EPRS1: variants seen among roughly 807,000 people sequenced by gnomAD.
The protein encoded by EPRS1 is glutamyl-prolyl-tRNA synthetase 1, also known as bifunctional glutamate/proline--tRNA ligase.
In EPRS1, 107 loss-of-function variants were observed where a neutral mutation model predicts 188.3. The observed-to-expected ratio is 0.57, with a 90% CI of 0.49 to 0.67. The LOEUF (loss-of-function observed/expected upper bound fraction) is 0.67, where lower values mean the gene tolerates loss of function less well. Ranked by LOEUF, EPRS1 falls within the 30% of genes least tolerant of loss-of-function variation. The pLI, the probability that EPRS1 is intolerant of heterozygous loss-of-function variation, is 0.00. For missense variants in EPRS1, 1,577 were observed against 1,802.2 expected (o/e 0.88, Z 2.26); for synonymous variants, 596 against 593.1 (o/e 1.00, Z -0.07).
chr1:219,987,169 TCTC>T lies in EPRS1; in HGVS notation c.3008_3010del (p.Gly1003del), dbSNP rs778069100. 3.1e-6 allele frequency: 5 copies of T among 1,613,256 alleles called. No homozygotes were observed. The highest frequency in any genetic ancestry group is 4.2e-6 in the Non-Finnish European group (5 of 1,179,810). The stretch of plus-strand genomic sequence containing the variant: ...GGTCTGTTTCTTAGGCCCCTGCCCT[TCTC>T]CTGCTCCACTTGATGAGAGCCCACC... On this transcript the variant is annotated inframe_deletion, in exon 20 of 32. Transcript: ENST00000366923.
At position 220,033,588 on chromosome 1, in the gene EPRS1, T is replaced by G; in HGVS notation, c.302A>C (p.Glu101Ala). Residue 101 changes from glutamate (E) to alanine (A), a missense_variant, in exon 4 of 32, where the codon GAA (glutamate) becomes GCA (alanine). Coordinates refer to ENST00000366923, the MANE Select transcript of EPRS1 (RefSeq NM_004446.3). ...TCTCAGAGACAGGCAATGATTGAGTTCATTAATTGTAGAAGTAAAGGAATC... is the reference window on the plus strand; with the variant it reads ...TCTCAGAGACAGGCAATGATTGAGTGCATTAATTGTAGAAGTAAAGGAATC... ...SCDSFTSTIN[E>A]LNHCLSLRTY... 1 of 1,609,800 alleles carries G rather than the reference T, an allele frequency of 6.2e-7. No homozygotes were observed. Among genetic ancestry groups the G allele is most frequent in the Non-Finnish European group, 8.5e-7 (1 of 1,176,290 alleles).
At chr1:219,970,261 T>C (rs886581350) in intron 30 of EPRS1, among the ~76,000 whole-genome samples, 1 of 152,216 alleles carries the variant, frequency 6.6e-6, no homozygotes, top group Non-Finnish European at 1.5e-5. Context: ...AATAGCAAAG[T>C]TGTGAATAAT....
At chr1:219,973,503 A>T in intron 28 of EPRS1, 105 bp from the exon 29 acceptor site, 1 of 776,000 alleles carries the variant, frequency 1.3e-6, no homozygotes. Context: ...AAACCCAAAA[A>T]ACAAAGGCAA....
At chr1:219,983,136 T>G (rs374616190) in intron 22 of EPRS1, 53 bp downstream of exon 22, 2 of 1,412,296 alleles carry the variant, frequency 1.4e-6, no homozygotes. Flanking sequence ...TGAAAATATA[T>G]TTTCCAGTTT....
intron 4 of EPRS1, among the ~76,000 whole-genome samples, chr1:220,033,287 CGACGGGACG>C (rs11278281): frequency 6.6e-6 from 1 of 151,434 alleles, no homozygotes; most frequent in African/African-American, 2.4e-5. Context: ...GTGAGACAGA[CGACGGGACG>C]GCAGAAAAAC....
chr1:220,003,925 G>C (rs777914120), intron 16 of EPRS1, among the ~76,000 whole-genome samples: 5 of 152,192 alleles, frequency 3.3e-5, no homozygotes, highest in Non-Finnish European at 7.3e-5. Context: ...AAAAAGAAGG[G>C]ATCAGGGCGA....
intron 2 of EPRS1, among the ~76,000 whole-genome samples, chr1:220,039,503 T>C (rs960517616): frequency 6.8e-6 from 1 of 146,544 alleles, no homozygotes; most frequent in African/African-American, 2.6e-5. Flanking sequence ...AAAACAAGCA[T>C]ACAACATTTA....
At chr1:219,994,190 C>T (rs1661178914) in intron 18 of EPRS1, among the ~76,000 whole-genome samples, 1 of 152,204 alleles carries the variant, frequency 6.6e-6, no homozygotes, top group Non-Finnish European at 1.5e-5. Flanking sequence ...TGTGAGTTTT[C>T]TCTGGGAACT....
In EPRS1 at chr1:220,034,977, G is replaced by C. The variant is rs1200034239; in HGVS notation, c.168C>G (p.Arg56=). The change falls in exon 3 of 32, where the codon CGC becomes CGG. Residue 56 remains arginine (R), a synonymous_variant. Transcript: ENST00000366923. The stretch of plus-strand genomic sequence containing the variant: ...CTGTAGTTGCAACTCTAGCCAAGTA[G>C]CGAAGTATAGAATTCACATCTGTGA... ...VIFTDVNSIL[R]YLARVATTAG... 3 of 1,599,788 alleles carry C rather than the reference G, an allele frequency of 1.9e-6. No homozygotes were observed. The highest frequency in any genetic ancestry group is 2.6e-6 in the Non-Finnish European group (3 of 1,172,158).
intron 29 of EPRS1, among the ~76,000 whole-genome samples, chr1:219,972,451 G>A (rs1163601734): frequency 1.3e-5 from 2 of 152,072 alleles, no homozygotes; most frequent in Non-Finnish European, 2.9e-5. Flanking sequence ...TTACCTATGG[G>A]AGTCTATGTT....
In EPRS1 at chr1:219,997,073, T is replaced by A. The variant is rs751076252; in HGVS notation, c.2451A>T (p.Ser817=). Residue 817 remains serine, a synonymous_variant, in exon 18 of 32, where the codon TCA becomes TCT. Coordinates refer to ENST00000366923, the MANE Select transcript of EPRS1 (RefSeq NM_004446.3). The part of the protein sequence containing the change: ...EIGQNISSNS[S]ASILESKSLY... ...GAGATTTACTTTCCAGAATACTTGC[T>A]GAGGAATTAGAAGAAATATTCTGTC... The A allele has an allele frequency of 6.2e-7, 1 of 1,614,038 alleles. No individual in the cohort carries two copies. Among genetic ancestry groups the A allele is most frequent in the Non-Finnish European group, 8.5e-7 (1 of 1,179,952 alleles).
rs116445508 is a variant in EPRS1, at chr1:219,974,189, C to T, written c.4084-791G>A. On this transcript the variant is annotated intron_variant, in intron 28 of 31. Transcript: ENST00000366923. ...GAACACCTGGCCTCAACTGATCTGC[C>T]GGCCTCAGCCTCTCAAATTGCTGGG... 3.0e-3 allele frequency among the ~76,000 whole-genome samples: 458 copies of T among 152,252 alleles called. 2 individuals carry two copies. The highest frequency in any genetic ancestry group is 0.011 in the African/African-American group (443 of 41,554).
At chr1:219,974,041 T>G (rs1321085403) in intron 28 of EPRS1, among the ~76,000 whole-genome samples, 1 of 152,052 alleles carries the variant, frequency 6.6e-6, no homozygotes, top group Non-Finnish European at 1.5e-5. Context: ...CCTCCCAAGA[T>G]CAATTGATTC....
At chr1:220,017,772 T>C (rs1266412771) in intron 12 of EPRS1, among the ~76,000 whole-genome samples, 2 of 152,168 alleles carry the variant, frequency 1.3e-5, no homozygotes, top group Non-Finnish European at 2.9e-5. Flanking sequence ...TGTTCCTCAT[T>C]TGACTTTCAG....
chr1:219,975,744 T>C (rs1297251320), intron 28 of EPRS1, among the ~76,000 whole-genome samples: 6 of 152,166 alleles, frequency 3.9e-5, no homozygotes, highest in Non-Finnish European at 8.8e-5. Flanking sequence ...GTCCACCCTA[T>C]GGTTTTTTAT....
intron 2 of EPRS1, among the ~76,000 whole-genome samples, 169 bp from the exon 3 acceptor site, chr1:220,035,182 C>A (rs977983842): frequency 6.6e-6 from 1 of 152,154 alleles, no homozygotes; most frequent in African/African-American, 2.4e-5. Flanking sequence ...TGCAGTTTCA[C>A]TCTTGTTGCC....
At chr1:219,993,918 T>C (rs1477750535) in intron 18 of EPRS1, among the ~76,000 whole-genome samples, 2 of 152,198 alleles carry the variant, frequency 1.3e-5, no homozygotes, top group East Asian at 1.9e-4. Context: ...ACATGGCTCT[T>C]GGGAGGACTA....
At chr1:219,977,347 C>T (rs1332191783) in intron 28 of EPRS1, among the ~76,000 whole-genome samples, 1 of 152,064 alleles carries the variant, frequency 6.6e-6, no homozygotes, top group Non-Finnish European at 1.5e-5. Context: ...GAATACCTCC[C>T]CAGCATAGTA....
At chr1:220,029,685 G>T (rs1344461942) in intron 6 of EPRS1, among the ~76,000 whole-genome samples, 1 of 152,140 alleles carries the variant, frequency 6.6e-6, no homozygotes, top group Non-Finnish European at 1.5e-5. Flanking sequence ...TTTAATAAGA[G>T]GTATTTTATT....
Sources: allele counts gnomAD v4.1 joint callset (sites outside exome capture counted in the v4.1 genomes callset), GRCh38; gene constraint gnomAD v4.1.1; transcripts MANE v1.5; gene names NCBI Gene and HGNC (gene_info 2026-07-23, HGNC 2026-07-21).